The following MTHFS variants were observed in gnomAD, a reference collection of about 807,000 sequenced individuals.
MTHFS encodes 5-formyltetrahydrofolate cyclo-ligase.
MTHFS carries 7 observed loss-of-function variants against 12.7 expected under a neutral mutation model. The observed-to-expected ratio is 0.55, with a 90% CI of 0.31 to 1.03. MTHFS has a LOEUF of 1.03. MTHFS is among the 50% of genes least tolerant of loss of function. The probability of loss-of-function intolerance (pLI) is 0.05; values close to 1 mark genes in which losing one functional copy is unlikely to be tolerated. For synonymous variants in MTHFS, 100 were observed against 97.1 expected, an observed-to-expected ratio of 1.03 and a Z score of -0.18; for missense variants, 252 against 258.1, an observed-to-expected ratio of 0.98 and a Z score of 0.16.
At chr15:79,864,000 G>A (rs927319371) in intron 2 of MTHFS, among the ~76,000 whole-genome samples, 5 of 152,180 alleles carry the variant, frequency 3.3e-5, no homozygotes, top group African/African-American at 7.2e-5. Context: ...GAAAGGCACC[G>A]TGTGCCATCC....
chr15:79,895,524 T>C (rs767267324), intron 1 of MTHFS, among the ~76,000 whole-genome samples: 10 of 152,234 alleles, frequency 6.6e-5, no homozygotes, highest in African/African-American at 9.6e-5. Context: ...GTGCACTACA[T>C]AGGTGTTCAA....
rs2033585327 is a variant in MTHFS, at chr15:79,845,134, T to C, written c.*76A>G. On this transcript the variant is annotated 3_prime_UTR_variant, in exon 3 of 3. Coordinates refer to ENST00000258874, the MANE Select transcript of MTHFS (RefSeq NM_006441.4). Reference sequence around the variant, plus strand: ...ATTAATGAACAATTTCAACTAATTTTTGACAAGGGAAAAATACACATACTT... The same window carrying C: ...ATTAATGAACAATTTCAACTAATTTCTGACAAGGGAAAAATACACATACTT... 1 of 1,552,692 alleles carries C rather than the reference T, an allele frequency of 6.4e-7. No individual in the cohort carries two copies. The highest frequency in any genetic ancestry group is 8.7e-7 in the Non-Finnish European group (1 of 1,146,614).
intron 1 of MTHFS, among the ~76,000 whole-genome samples, chr15:79,891,139 T>C (rs1204550302): frequency 6.6e-6 from 1 of 152,156 alleles, no homozygotes; most frequent in Non-Finnish European, 1.5e-5. Context: ...GGGACAGTAT[T>C]TTACTGACAA....
chr15:79,851,315 GC>G (rs2033713442), intron 2 of MTHFS, among the ~76,000 whole-genome samples: 1 of 152,104 alleles, frequency 6.6e-6, no homozygotes, highest in Non-Finnish European at 1.5e-5. Flanking sequence ...TAGGAACAGA[GC>G]TTTTGTCTTT....
At chr15:79,896,703 C>A in intron 1 of MTHFS, 169 bp downstream of exon 1, 2 of 1,250,494 alleles carry the variant, frequency 1.6e-6, no homozygotes, top group South Asian at 1.6e-5. Flanking sequence ...AGCGTCCAGA[C>A]CACGACTAGG....
intron 2 of MTHFS, among the ~76,000 whole-genome samples, chr15:79,882,750 G>T (rs1339156534): frequency 1.3e-5 from 2 of 152,162 alleles, no homozygotes; most frequent in African/African-American, 2.4e-5. Context: ...TCCCAATTCA[G>T]GTGTAGTAGC....
chr15:79,894,531 G>A (rs889286788), intron 1 of MTHFS, among the ~76,000 whole-genome samples: 3 of 152,124 alleles, frequency 2.0e-5, no homozygotes, highest in Non-Finnish European at 4.4e-5. Context: ...CTCCTTTAAT[G>A]CCAGCTCTCA....
At position 79,845,210 on chromosome 15, in the gene MTHFS, T is replaced by C; in HGVS notation, c.612A>G (p.Ter204=). ...ATTATTTGGCTGTAGTAATCCAGAT[T>C]TAAGCTGTTGACGAGTCTTCGTAAA... ...EVLYEDSSTA[*] The change falls in exon 3 of 3, where the codon TAA becomes TAG. Residue 204 remains the stop codon, a stop_retained_variant. Coordinates refer to ENST00000258874, the MANE Select transcript of MTHFS (RefSeq NM_006441.4). 3 of 1,614,194 alleles carry C rather than the reference T, an allele frequency of 1.9e-6. No individual in the cohort carries two copies. The highest frequency in any genetic ancestry group is 1.7e-6 in the Non-Finnish European group (2 of 1,180,012).
intron 2 of MTHFS, among the ~76,000 whole-genome samples, chr15:79,871,531 A>T (rs2034105230): frequency 6.6e-6 from 1 of 151,880 alleles, no homozygotes; most frequent in Non-Finnish European, 1.5e-5. Context: ...TTCAAGACAA[A>T]GGGATTTTTT....
chr15:79,894,436 TC>T (rs1274986543), intron 1 of MTHFS, among the ~76,000 whole-genome samples: 2 of 152,174 alleles, frequency 1.3e-5, no homozygotes, highest in African/African-American at 4.8e-5. Flanking sequence ...TGTAAAATGT[TC>T]CTTGTATGTG....
intron 2 of MTHFS, among the ~76,000 whole-genome samples, chr15:79,887,096 C>T (rs1216900404): frequency 8.5e-5 from 13 of 152,054 alleles, no homozygotes; most frequent in Admixed American, 7.2e-4. Context: ...TAGCCAGCCA[C>T]GGTGGCGCAC....
intron 2 of MTHFS, among the ~76,000 whole-genome samples, chr15:79,885,580 C>T (rs1000547345): frequency 6.6e-6 from 1 of 152,250 alleles, no homozygotes; most frequent in Admixed American, 6.5e-5. Context: ...TTCTTTTCTT[C>T]CTGGTCACAA....
chr15:79,896,531 A>G (rs564808775), intron 1 of MTHFS, among the ~76,000 whole-genome samples: 1 of 152,316 alleles, frequency 6.6e-6, no homozygotes, highest in South Asian at 2.1e-4. Context: ...CCGTGCTCTC[A>G]CCACAGCACC....
intron 2 of MTHFS, among the ~76,000 whole-genome samples, chr15:79,882,639 A>G (rs2034315336): frequency 6.6e-6 from 1 of 152,246 alleles, no homozygotes; most frequent in Non-Finnish European, 1.5e-5. Context: ...CAAGGGGCAC[A>G]TAGGTCACCT....
intron 2 of MTHFS, among the ~76,000 whole-genome samples, chr15:79,861,786 A>T (rs1038250887): frequency 1.1e-4 from 16 of 152,322 alleles, no homozygotes; most frequent in African/African-American, 3.4e-4. Context: ...TGTTGCTATG[A>T]AAAGAGTTCT....
intron 2 of MTHFS, among the ~76,000 whole-genome samples, chr15:79,868,257 T>C (rs1210635648): frequency 6.6e-6 from 1 of 152,218 alleles, no homozygotes; most frequent in Non-Finnish European, 1.5e-5. Context: ...CCAATTTCAA[T>C]GTAGCATTCA....
intron 1 of MTHFS, among the ~76,000 whole-genome samples, chr15:79,890,194 GCT>G (rs3974971): frequency 0.13 from 17,962 of 143,350 alleles, 1,496 homozygotes; most frequent in East Asian, 0.3. Flanking sequence ...TTAGCCCTTC[GCT>G]CTCTTTTTTC....
At chr15:79,865,599 A>C (rs2033995697) in intron 2 of MTHFS, among the ~76,000 whole-genome samples, 1 of 152,180 alleles carries the variant, frequency 6.6e-6, no homozygotes, top group Admixed American at 6.5e-5. Context: ...CTTGGGCCTC[A>C]GACACCTAGT....
intron 2 of MTHFS, among the ~76,000 whole-genome samples, chr15:79,881,258 T>A (rs2034290202): frequency 6.6e-6 from 1 of 152,236 alleles, no homozygotes; most frequent in African/African-American, 2.4e-5. Context: ...GACAGTTAAG[T>A]GTTCAATAGT....
Sources: allele counts gnomAD v4.1 joint callset (sites outside exome capture counted in the v4.1 genomes callset), GRCh38; gene constraint gnomAD v4.1.1; transcripts MANE v1.5; gene names NCBI Gene and HGNC (gene_info 2026-07-23, HGNC 2026-07-21).